SPHKAP: variants seen among roughly 807,000 people sequenced by gnomAD.
The protein encoded by SPHKAP is A-kinase anchor protein SPHKAP.
Under a neutral mutation model 137.5 loss-of-function variants are expected in SPHKAP, and 67 were observed. The observed-to-expected ratio is 0.49, with a 90% confidence interval of 0.40 to 0.60. The LOEUF (loss-of-function observed/expected upper bound fraction) is 0.60. Ranked by LOEUF, SPHKAP falls within the 20% of genes least tolerant of loss-of-function variation. SPHKAP has a pLI of 0.00. For missense variants in SPHKAP, 2,097 were observed against 2,069.3 expected (o/e 1.01, Z -0.26); for synonymous variants, 813 against 785.3 (o/e 1.04, Z -0.59).
intron 1 of SPHKAP, among the ~76,000 whole-genome samples, chr2:228,155,802 C>A (rs1202498114): frequency 6.6e-6 from 1 of 152,170 alleles, no homozygotes; most frequent in Non-Finnish European, 1.5e-5. Flanking sequence ...ATACATATAT[C>A]TTTGAGAGAA....
intron 1 of SPHKAP, among the ~76,000 whole-genome samples, chr2:228,176,946 C>T (rs74478177): frequency 0.011 from 1,670 of 152,272 alleles, 25 homozygotes; most frequent in African/African-American, 0.038. Context: ...ACTGTTTCCT[C>T]TTCCCCTCCT....
In SPHKAP at chr2:228,160,962, G is replaced by A. The variant is rs550413160; in HGVS notation, c.32+20605C>T. Among the ~76,000 whole-genome samples, 7 of 152,276 alleles carry A rather than the reference G, an allele frequency of 4.6e-5. No individual in the cohort carries two copies. The South Asian group carries it at 1.0e-3, about 23-fold the overall frequency. On this transcript the variant is annotated intron_variant, in intron 1 of 11. Coordinates refer to ENST00000392056, the MANE Select transcript of SPHKAP (RefSeq NM_001142644.2). ...TCAGATCTGACATTGTGTCAAATGC[G>A]ATGAGGCACTGTAGATGCAAGAGTG...
At chr2:227,992,649 T>G (rs1347948325) in intron 9 of SPHKAP, among the ~76,000 whole-genome samples, 2 of 152,178 alleles carry the variant, frequency 1.3e-5, no homozygotes, top group African/African-American at 4.8e-5. Context: ...AACAAGATAA[T>G]GTGTATGCTC....
intron 1 of SPHKAP, among the ~76,000 whole-genome samples, chr2:228,148,527 T>C (rs2106395878): frequency 6.6e-6 from 1 of 152,248 alleles, no homozygotes; most frequent in South Asian, 2.1e-4. Flanking sequence ...ACAAGGACGC[T>C]TGCAAGGACA....
intron 3 of SPHKAP, among the ~76,000 whole-genome samples, chr2:228,088,811 G>A (rs1193504198): frequency 6.6e-6 from 1 of 152,156 alleles, no homozygotes; most frequent in Non-Finnish European, 1.5e-5. Flanking sequence ...ATGATTGTAA[G>A]CTTCTTAAGG....
intron 3 of SPHKAP, among the ~76,000 whole-genome samples, chr2:228,071,792 T>TC (rs2106302249): frequency 6.6e-6 from 1 of 152,256 alleles, no homozygotes; most frequent in East Asian, 1.9e-4. Flanking sequence ...ATTCAACCTT[T>TC]TTTTTTTGTA....
Position 228,181,513 on chromosome 2 carries a change from G to A in SPHKAP, c.32+54C>T. 6.2e-7 allele frequency: 1 copy of A among 1,613,702 alleles called. No homozygotes were observed. ...GGCAAGTTGGTGAGCGACTCACAAC[G>A]CGGAACGGAGTTTGATCGACATGGT... On this transcript the variant is annotated intron_variant, in intron 1 of 11. Coordinates refer to ENST00000392056, the MANE Select transcript of SPHKAP (RefSeq NM_001142644.2). This position sits in a 1 kb window ranked among gnomAD's most constrained non-coding sequence, Gnocchi z 4.3.
intron 1 of SPHKAP, among the ~76,000 whole-genome samples, chr2:228,135,100 C>A (rs1275767554): frequency 6.6e-6 from 1 of 151,894 alleles, no homozygotes; most frequent in Non-Finnish European, 1.5e-5. Flanking sequence ...CATGGAGAAA[C>A]CCCATCTCTA....
intron 3 of SPHKAP, among the ~76,000 whole-genome samples, chr2:228,079,566 C>T (rs13409615): frequency 0.12 from 17,845 of 152,222 alleles, 1,166 homozygotes; most frequent in Middle Eastern, 0.25. Flanking sequence ...ATCACTGGGC[C>T]AACCTTTGTG....
At chr2:228,063,776 G>C (rs1340691378) in intron 3 of SPHKAP, among the ~76,000 whole-genome samples, 1 of 152,200 alleles carries the variant, frequency 6.6e-6, no homozygotes, top group Non-Finnish European at 1.5e-5. Context: ...TTACATTAAT[G>C]ATTTGACCAC....
At chr2:227,998,119 G>A (rs1261844029) in intron 7 of SPHKAP, among the ~76,000 whole-genome samples, 2 of 152,124 alleles carry the variant, frequency 1.3e-5, no homozygotes, top group African/African-American at 4.8e-5. Flanking sequence ...CAACTCCCCT[G>A]CCTCGGCCTC....
chr2:228,125,724 A>G (rs1699057353), intron 2 of SPHKAP, among the ~76,000 whole-genome samples: 1 of 152,182 alleles, frequency 6.6e-6, no homozygotes. Context: ...CATTTAGCTC[A>G]TTTAGTGTAA....
chr2:227,993,606 C>G lies in SPHKAP; in HGVS notation c.4649G>C (p.Ser1550Thr). 1 of 1,596,240 alleles carries G rather than the reference C, an allele frequency of 6.3e-7. No individual in the cohort carries two copies. The highest frequency in any genetic ancestry group is 8.5e-7 in the Non-Finnish European group (1 of 1,171,044). ...CATAATGCCAAGACTGCTAGTGGCA[C>G]TACTGTTGCCATTGCTGACAAAGCA... ...SERSMSNGNSSATSSLGIMDL... is the reference protein window; with the variant it reads ...SERSMSNGNSTATSSLGIMDL... Residue 1550 changes from serine (S) to threonine (T), a missense_variant, in exon 9 of 12, where the codon AGT becomes ACT. Transcript: ENST00000392056.
chr2:227,999,583 A>G (rs1447997995), intron 7 of SPHKAP, among the ~76,000 whole-genome samples: 4 of 152,220 alleles, frequency 2.6e-5, no homozygotes, highest in Non-Finnish European at 5.9e-5. Context: ...TTACTAAAGA[A>G]GTTAAATCTC....
intron 1 of SPHKAP, among the ~76,000 whole-genome samples, chr2:228,173,898 TC>T (rs1248880495): frequency 6.6e-6 from 1 of 152,214 alleles, no homozygotes; most frequent in Non-Finnish European, 1.5e-5. Flanking sequence ...ATAATTTGGC[TC>T]TGTAATATGT....
chr2:228,168,817 G>A (rs912501199), intron 1 of SPHKAP, among the ~76,000 whole-genome samples: 1 of 152,148 alleles, frequency 6.6e-6, no homozygotes. Context: ...CCAAAAGCTA[G>A]CCCTCTTGCA....
chr2:227,992,962 G>A (rs187819044), intron 9 of SPHKAP, among the ~76,000 whole-genome samples: 86 of 152,046 alleles, frequency 5.7e-4, no homozygotes, highest in African/African-American at 1.8e-3. Flanking sequence ...CTCTTTTTGC[G>A]CCATATTTTA....
chr2:228,023,792 A>C lies in SPHKAP; in HGVS notation c.441+1602T>G, dbSNP rs557792958. Reference sequence around the variant, plus strand: ...AGTCCAAGTGATTCACACGGAGTTGATTCACTTCCAGCGCCAGGGGTGATC... The same window carrying C: ...AGTCCAAGTGATTCACACGGAGTTGCTTCACTTCCAGCGCCAGGGGTGATC... On this transcript the variant is annotated intron_variant, in intron 5 of 11. Transcript: ENST00000392056. Among the ~76,000 whole-genome samples the C allele has an allele frequency of 1.1e-4, 17 of 152,316 alleles. 1 individual carries two copies. In the South Asian group the frequency reaches 3.3e-3, roughly 30 times the overall value.
rs556452587 is a variant in SPHKAP, at chr2:227,997,160, T to C, written c.4449-1466A>G. Among the ~76,000 whole-genome samples, 3 of 152,382 alleles carry C rather than the reference T, an allele frequency of 2.0e-5. No homozygotes were observed. In the South Asian group the frequency reaches 6.2e-4, roughly 32 times the overall value. ...TTGTCAGGAGCCTTCAGGAACTTCCTGAAGCCAAACTCTATCCGTTGTGGG... is the reference window on the plus strand; with the variant it reads ...TTGTCAGGAGCCTTCAGGAACTTCCCGAAGCCAAACTCTATCCGTTGTGGG... On this transcript the variant is annotated intron_variant, in intron 7 of 11. Transcript: ENST00000392056.
Sources: allele counts gnomAD v4.1 joint callset (sites outside exome capture counted in the v4.1 genomes callset), GRCh38; gene constraint gnomAD v4.1.1; non-coding constraint Gnocchi (gnomAD v3.1); transcripts MANE v1.5; gene names NCBI Gene and HGNC (gene_info 2026-07-23, HGNC 2026-07-21).